The following AJAP1 variants were observed in gnomAD, a reference collection of about 807,000 sequenced individuals.
AJAP1 encodes adherens junction-associated protein 1.
AJAP1 carries 5 observed loss-of-function variants against 35.0 expected under a neutral mutation model. That is an observed-to-expected ratio of 0.14 (90% CI 0.07 to 0.30). The LOEUF (loss-of-function observed/expected upper bound fraction) is 0.30, where lower values mean the gene tolerates loss of function less well. Among genes scored for constraint, AJAP1 ranks in the 10% least tolerant of loss-of-function variants. The pLI is 1.00. For synonymous variants in AJAP1, 284 were observed against 249.3 expected (o/e 1.14, Z -1.31); for missense variants, 586 against 571.0 (o/e 1.03, Z -0.27).
At chr1:4,729,382 C>T (rs1331773077) in intron 2 of AJAP1, among the ~76,000 whole-genome samples, 1 of 152,210 alleles carries the variant, frequency 6.6e-6, no homozygotes, top group African/African-American at 2.4e-5. Flanking sequence ...GCTGCTGCCC[C>T]ACACACTCCT....
intron 2 of AJAP1, among the ~76,000 whole-genome samples, chr1:4,754,638 A>T (rs1316882257): frequency 6.6e-6 from 1 of 152,222 alleles, no homozygotes; most frequent in Non-Finnish European, 1.5e-5. Context: ...CTGATTTTCC[A>T]GACTGAAACT....
At chr1:4,674,373 G>A (rs1055762491) in intron 1 of AJAP1, among the ~76,000 whole-genome samples, 1 of 152,216 alleles carries the variant, frequency 6.6e-6, no homozygotes, top group African/African-American at 2.4e-5. Flanking sequence ...GCCCTTGGCT[G>A]CCTGACTTGG....
At chr1:4,777,909 C>G (rs188952303) in intron 5 of AJAP1, 53 of 152,292 alleles carry the variant, frequency 3.5e-4, no homozygotes, top group Admixed American at 1.2e-3. Flanking sequence ...GGAAGCTGTG[C>G]TTGCTGAGCT....
chr1:4,677,924 G>A (rs546420208), intron 1 of AJAP1, among the ~76,000 whole-genome samples: 2 of 152,336 alleles, frequency 1.3e-5, no homozygotes, highest in African/African-American at 4.8e-5. Flanking sequence ...TATCAGGTGA[G>A]GAGGAGTGCT....
rs928925458 is a variant in AJAP1 at position 4,655,004 on chromosome 1, G to C, written c.-422G>C. Reference sequence around the variant, plus strand: ...GCTGGAGGCAAGAGCCGCGCGCCGGGAGACACGCACCGTGAGCGGCAGCGC... The same window carrying C: ...GCTGGAGGCAAGAGCCGCGCGCCGGCAGACACGCACCGTGAGCGGCAGCGC... On this transcript the variant is annotated 5_prime_UTR_variant, in exon 1 of 6. Coordinates refer to ENST00000378191, the MANE Select transcript of AJAP1 (RefSeq NM_018836.4). The surrounding 1 kb of genome is among the most constrained non-coding windows in gnomAD (Gnocchi z 6.9). 1 of 150,406 alleles carries C rather than the reference G, an allele frequency of 6.6e-6. No individual in the cohort carries two copies. The highest frequency in any genetic ancestry group is 1.5e-5 in the Non-Finnish European group (1 of 67,486). 9.3% of individuals were successfully genotyped at this position (150,406 alleles called of 1,614,324 possible).
intron 5 of AJAP1, among the ~76,000 whole-genome samples, chr1:4,775,611 G>A (rs952042965): frequency 1.3e-5 from 2 of 152,208 alleles, no homozygotes; most frequent in South Asian, 2.1e-4. Context: ...AGAGGGGAGT[G>A]AATCGGTCAG....
chr1:4,733,290 T>C (rs2100301837), intron 2 of AJAP1, among the ~76,000 whole-genome samples: 1 of 152,068 alleles, frequency 6.6e-6, no homozygotes, highest in East Asian at 1.9e-4. Flanking sequence ...GCCGTGGGTC[T>C]GTGCTTCCCC....
At chr1:4,743,092 C>T (rs1333127400) in intron 2 of AJAP1, among the ~76,000 whole-genome samples, 1 of 152,212 alleles carries the variant, frequency 6.6e-6, no homozygotes, top group Non-Finnish European at 1.5e-5. Context: ...TGGAACTTGT[C>T]CTGCACCCAC....
chr1:4,660,801 C>T (rs1448431698), intron 1 of AJAP1, among the ~76,000 whole-genome samples: 3 of 152,132 alleles, frequency 2.0e-5, no homozygotes, highest in East Asian at 1.9e-4. Context: ...AGCATATGAA[C>T]GTGCAGTGTT....
chr1:4,730,701 T>C (rs1323181444), intron 2 of AJAP1, among the ~76,000 whole-genome samples: 5 of 152,160 alleles, frequency 3.3e-5, no homozygotes, highest in Admixed American at 2.0e-4. Flanking sequence ...ACACCAGCCA[T>C]ATCTGACCTT....
intron 1 of AJAP1, among the ~76,000 whole-genome samples, chr1:4,703,830 C>T (rs1640040965): frequency 1.3e-5 from 2 of 152,188 alleles, no homozygotes; most frequent in Non-Finnish European, 2.9e-5. Context: ...TGCCACATTC[C>T]AGGAGAAGAT....
At chr1:4,758,077 T>A (rs1345508516) in intron 2 of AJAP1, among the ~76,000 whole-genome samples, 2 of 152,176 alleles carry the variant, frequency 1.3e-5, no homozygotes, top group Non-Finnish European at 2.9e-5. Context: ...CCTGCCGCCA[T>A]GTGAAGAAGG....
intron 5 of AJAP1, among the ~76,000 whole-genome samples, chr1:4,780,325 A>G (rs532633242): frequency 2.0e-5 from 3 of 151,512 alleles, no homozygotes; most frequent in Admixed American, 2.0e-4. Flanking sequence ...CTGGCCCCCA[A>G]TTCTACTCTT....
intron 2 of AJAP1, among the ~76,000 whole-genome samples, chr1:4,724,303 G>T (rs1640598570): frequency 6.6e-6 from 1 of 152,158 alleles, no homozygotes; most frequent in Non-Finnish European, 1.5e-5. Context: ...GGCCAAGGGA[G>T]GATTTCTGTC....
rs112047309 is a variant in AJAP1 at position 4,667,299 on chromosome 1, C to T, written c.29+11845C>T. ...GGCACAAAGGTGTGACAGGCCCTGA[C>T]GACCCAACTTTCCTTTCCTGAGTCT... On this transcript the variant is annotated intron_variant, in intron 1 of 5. Transcript: ENST00000378191. 4.3e-4 allele frequency among the ~76,000 whole-genome samples: 65 copies of T among 152,264 alleles called. 2 individuals carry two copies. Among genetic ancestry groups the T allele is most frequent in the African/African-American group, 1.4e-3 (60 of 41,544 alleles).
At chr1:4,741,272 A>T (rs983824370) in intron 2 of AJAP1, among the ~76,000 whole-genome samples, 28 of 152,310 alleles carry the variant, frequency 1.8e-4, no homozygotes, top group African/African-American at 6.5e-4. Context: ...CCCAGTAGAA[A>T]GGCATCCTCT....
intron 5 of AJAP1, among the ~76,000 whole-genome samples, chr1:4,776,435 C>T (rs1055941077): frequency 3.3e-5 from 5 of 152,186 alleles, no homozygotes; most frequent in African/African-American, 7.2e-5. Context: ...AGTGGTGGGG[C>T]TGGATCACCC....
intron 1 of AJAP1, among the ~76,000 whole-genome samples, chr1:4,662,046 TTG>T (rs3086604): frequency 0.27 from 41,298 of 150,922 alleles, 6,518 homozygotes; most frequent in African/African-American, 0.45. Flanking sequence ...CCCTTTATAT[TTG>T]TGTGTGTGTG....
intron 1 of AJAP1, among the ~76,000 whole-genome samples, chr1:4,688,660 T>A (rs1048553317): frequency 1.3e-5 from 2 of 150,322 alleles, no homozygotes; most frequent in Non-Finnish European, 2.9e-5. Context: ...CAATCCCAGC[T>A]ACTCAGGAGG....
Sources: allele counts gnomAD v4.1 joint callset (sites outside exome capture counted in the v4.1 genomes callset), GRCh38; gene constraint gnomAD v4.1.1; non-coding constraint Gnocchi (gnomAD v3.1); transcripts MANE v1.5; gene names NCBI Gene and HGNC (gene_info 2026-07-23, HGNC 2026-07-21).